CRTAC1: variants seen among roughly 807,000 people sequenced by gnomAD.
The protein encoded by CRTAC1 is acidic secreted protein in cartilage.
In CRTAC1, 37 loss-of-function variants were observed where a neutral mutation model predicts 67.8. The observed-to-expected ratio is 0.55, with a 90% CI of 0.42 to 0.72. The LOEUF is 0.72. Among genes scored for constraint, CRTAC1 ranks in the 30% least tolerant of loss-of-function variants. The pLI, the probability that CRTAC1 is intolerant of heterozygous loss-of-function variation, is 0.00. For missense variants in CRTAC1, 780 were observed against 931.6 expected (o/e 0.84, Z 2.12); for synonymous variants, 348 against 371.0 (o/e 0.94, Z 0.71).
chr10:97,865,654 G>A lies in CRTAC1; in HGVS notation c.1880C>T (p.Ala627Val), dbSNP rs1166496220. ...PTTPTAAAAT[A>V]AAAAAAGAAT... ...AGCTCCAGCAGCGGCAGCAGCAGCG[G>A]CAGTGGCAGCAGCAGCGGTGGGGGT... The change falls in exon 15 of 15, where the codon GCC becomes GTC. Residue 627 changes from alanine to valine, a missense_variant. Transcript: ENST00000370597. The A allele has an allele frequency of 6.2e-7, 1 of 1,611,248 alleles. No individual in the cohort carries two copies. The highest frequency in any genetic ancestry group is 2.2e-5 in the East Asian group (1 of 44,742).
chr10:97,924,018 G>A (rs1367439129), intron 3 of CRTAC1, among the ~76,000 whole-genome samples: 16 of 152,216 alleles, frequency 1.1e-4, no homozygotes, highest in Non-Finnish European at 2.1e-4. Flanking sequence ...GAAGGCAGTG[G>A]TTTTCACCTC....
intron 2 of CRTAC1, among the ~76,000 whole-genome samples, chr10:98,002,380 C>T (rs1381523305): frequency 1.3e-5 from 2 of 151,842 alleles, no homozygotes; most frequent in Non-Finnish European, 2.9e-5. Flanking sequence ...AACAAAGGAA[C>T]AAAAACAAAT....
At chr10:97,901,149 C>T (rs1042460863) in intron 8 of CRTAC1, among the ~76,000 whole-genome samples, 9 of 144,400 alleles carry the variant, frequency 6.2e-5, no homozygotes, top group Non-Finnish European at 9.2e-5. Context: ...GATTGGACCC[C>T]GTAGCCCCTT....
At chr10:97,913,677 C>G (rs748946472) in intron 5 of CRTAC1, among the ~76,000 whole-genome samples, 1 of 152,174 alleles carries the variant, frequency 6.6e-6, no homozygotes, top group Non-Finnish European at 1.5e-5. Context: ...TTTGGGTACC[C>G]CTAGCAGGCC....
intron 2 of CRTAC1, among the ~76,000 whole-genome samples, chr10:98,009,869 A>G (rs903525266): frequency 3.9e-5 from 6 of 152,026 alleles, no homozygotes; most frequent in Non-Finnish European, 8.8e-5. Context: ...TCTACTTACT[A>G]TTTACTTAGC....
At chr10:97,905,256 G>A (rs2050596009) in intron 6 of CRTAC1, among the ~76,000 whole-genome samples, 1 of 152,148 alleles carries the variant, frequency 6.6e-6, no homozygotes, top group East Asian at 1.9e-4. Flanking sequence ...GGGGAGCACA[G>A]GGTTCTGCCT....
rs148312945 is a variant in CRTAC1, at chr10:97,967,566, T to C, written c.225-31200A>G. Among the ~76,000 whole-genome samples the C allele has an allele frequency of 1.6e-4, 24 of 152,336 alleles. No individual in the cohort carries two copies. In the East Asian group the frequency reaches 3.1e-3, roughly 20 times the overall value. ...AAATATATGTGTGTATACTAACCCATGTATAGACATTTATCTATAAATATT... is the reference window on the plus strand; with the variant it reads ...AAATATATGTGTGTATACTAACCCACGTATAGACATTTATCTATAAATATT... On this transcript the variant is annotated intron_variant, in intron 2 of 14. Coordinates refer to ENST00000370597, the MANE Select transcript of CRTAC1 (RefSeq NM_018058.7).
At position 97,896,605 on chromosome 10, in the gene CRTAC1, T is replaced by G. The variant is rs542311014; in HGVS notation, c.1216+304A>C. 7.6e-4 allele frequency among the ~76,000 whole-genome samples: 116 copies of G among 152,136 alleles called. 1 individual carries two copies. The highest frequency in any genetic ancestry group is 2.8e-3 in the African/African-American group (115 of 41,502). On this transcript the variant is annotated intron_variant, in intron 9 of 14. Coordinates refer to ENST00000370597, the MANE Select transcript of CRTAC1 (RefSeq NM_018058.7). ...AAGGGGCTCTCTCCTCTCCTTTCCA[T>G]CCCCACCTGGCAAGGCATGGCCAGA...
At chr10:97,882,732 C>A (rs2050232196) in intron 13 of CRTAC1, 54 bp downstream of exon 13, 1 of 1,595,192 alleles carries the variant, frequency 6.3e-7, no homozygotes, top group Non-Finnish European at 8.6e-7. Flanking sequence ...GGCGGGCATT[C>A]CCCAGGGAGA....
intron 5 of CRTAC1, among the ~76,000 whole-genome samples, chr10:97,913,689 G>A (rs922121762): frequency 2.6e-5 from 4 of 152,292 alleles, no homozygotes; most frequent in East Asian, 1.9e-4. Context: ...TAGCAGGCCC[G>A]TGCTGCACTT....
At chr10:97,939,260 G>T (rs1446501804) in intron 2 of CRTAC1, among the ~76,000 whole-genome samples, 4 of 152,176 alleles carry the variant, frequency 2.6e-5, no homozygotes, top group African/African-American at 9.7e-5. Flanking sequence ...CTGCACCATG[G>T]TAGTAACCTC....
At chr10:97,948,842 G>A (rs2051305284) in intron 2 of CRTAC1, among the ~76,000 whole-genome samples, 1 of 152,200 alleles carries the variant, frequency 6.6e-6, no homozygotes, top group African/African-American at 2.4e-5. Flanking sequence ...TATGGAGGAA[G>A]GGGAAGCAAA....
At chr10:97,978,816 T>C (rs2051847609) in intron 2 of CRTAC1, among the ~76,000 whole-genome samples, 1 of 152,184 alleles carries the variant, frequency 6.6e-6, no homozygotes, top group Admixed American at 6.5e-5. Flanking sequence ...TGATCTTGCT[T>C]ATTTGTTGTC....
At chr10:97,926,510 C>G (rs11189437) in intron 3 of CRTAC1, among the ~76,000 whole-genome samples, 1 of 151,964 alleles carries the variant, frequency 6.6e-6, no homozygotes, top group East Asian at 1.9e-4. Flanking sequence ...TTCCTTCAGA[C>G]TTTGGAAAGG....
intron 2 of CRTAC1, among the ~76,000 whole-genome samples, chr10:97,990,818 T>G (rs1449412649): frequency 6.6e-6 from 1 of 152,158 alleles, no homozygotes; most frequent in Non-Finnish European, 1.5e-5. Context: ...AAAATAAACT[T>G]TCTCCTAGGT....
intron 1 of CRTAC1, among the ~76,000 whole-genome samples, chr10:98,018,830 C>T (rs778858297): frequency 6.6e-6 from 1 of 152,174 alleles, no homozygotes. Flanking sequence ...CTGCCCCACA[C>T]AGGCTGGGCC....
chr10:97,982,204 A>T (rs568745384), intron 2 of CRTAC1, among the ~76,000 whole-genome samples: 1 of 152,240 alleles, frequency 6.6e-6, no homozygotes, highest in Non-Finnish European at 1.5e-5. Context: ...ATCAATACAA[A>T]TGTCCACCAA....
intron 14 of CRTAC1, chr10:97,868,538 G>A (rs2050053820): frequency 6.6e-6 from 1 of 152,330 alleles, no homozygotes. Flanking sequence ...GTCCCCTCTG[G>A]GTGGTTCTCA....
At chr10:97,865,805 TCACCCTGCTGCCCGGGGTGGGAGGGA>T in intron 14 of CRTAC1, 91 bp from the exon 15 acceptor site, 1 of 477,504 alleles carries the variant, frequency 2.1e-6, no homozygotes, top group Non-Finnish European at 3.6e-6. Context: ...TTCTTTGGGC[TCACCCTGCTGCCCGGGGTGGGAGGGA>T]GGGTGACGGG....
Sources: allele counts gnomAD v4.1 joint callset (sites outside exome capture counted in the v4.1 genomes callset), GRCh38; gene constraint gnomAD v4.1.1; transcripts MANE v1.5; gene names NCBI Gene and HGNC (gene_info 2026-07-23, HGNC 2026-07-21).